Variants in ZFP62 observed in about 807,000 individuals in gnomAD.
The protein encoded by ZFP62 is zinc finger protein 62 homolog.
Under a neutral mutation model 56.4 loss-of-function variants are expected in ZFP62, and 44 were observed. The observed-to-expected ratio is 0.78, with a 90% CI of 0.61 to 1.00. The LOEUF (loss-of-function observed/expected upper bound fraction) is 1.00, where lower values mean the gene tolerates loss of function less well. Among genes scored for constraint, ZFP62 ranks in the 50% least tolerant of loss-of-function variants. The pLI is 0.00. For missense variants in ZFP62, 1,030 were observed against 1,085.7 expected (o/e 0.95, Z 0.72); for synonymous variants, 421 against 388.9 (o/e 1.08, Z -0.97).
At position 180,848,012 on chromosome 5, in the gene ZFP62, A is replaced by G. The variant is rs1437603047; in HGVS notation, c.*780T>C. On this transcript the variant is annotated 3_prime_UTR_variant, in exon 2 of 2. Transcript: ENST00000502412. Reference sequence around the variant, plus strand: ...ACGGTAGAACCTTTTATTGTAGCATAATGTGTGAATACCACTTCCAGGTTA... The same window carrying G: ...ACGGTAGAACCTTTTATTGTAGCATGATGTGTGAATACCACTTCCAGGTTA... 1 of 985,320 alleles carries G rather than the reference A, an allele frequency of 1.0e-6. No individual in the cohort carries two copies. The highest frequency in any genetic ancestry group is 5.2e-4 in the Middle Eastern group (1 of 1,936). 61.0% of individuals were successfully genotyped at this position (985,320 alleles called of 1,614,324 possible).
chr5:180,839,010 A>C, the ZFP62 span, among the ~76,000 whole-genome samples: 1 of 152,204 alleles, frequency 6.6e-6, no homozygotes, highest in South Asian at 2.1e-4. Context: ...CCACCAAAAC[A>C]TTTATCATGA....
chr5:180,852,216 G>A (rs537199362), intron 1 of ZFP62, among the ~76,000 whole-genome samples: 3 of 152,160 alleles, frequency 2.0e-5, no homozygotes, highest in Non-Finnish European at 4.4e-5. Flanking sequence ...CCAGAGAAAA[G>A]ATGGTCCTTT....
chr5:180,845,710 G>A (rs897383936), downstream of ZFP62: 2 of 985,350 alleles, frequency 2.0e-6, no homozygotes, highest in Non-Finnish European at 2.4e-6. Flanking sequence ...AATTACTCAA[G>A]GTCTTGATGC....
At chr5:180,845,943 C>A, downstream of ZFP62, 1 of 752,282 alleles carries the variant, frequency 1.3e-6, no homozygotes, top group Middle Eastern at 6.6e-4. Context: ...ACATGCACTC[C>A]TATGGAAGGC....
chr5:180,828,855 C>A, the ZFP62 span, among the ~76,000 whole-genome samples: 1 of 152,318 alleles, frequency 6.6e-6, no homozygotes, highest in South Asian at 2.1e-4. Context: ...TTGCTGAATT[C>A]TTTTCCTAGC....
At chr5:180,846,252 G>A (rs368731434), downstream of ZFP62, among the ~76,000 whole-genome samples, 8 of 152,178 alleles carry the variant, frequency 5.3e-5, no homozygotes, top group African/African-American at 1.7e-4. Context: ...CGCAGTAGGA[G>A]CTTGTCTGGT....
downstream of ZFP62, among the ~76,000 whole-genome samples, chr5:180,844,808 G>A (rs1273897570): frequency 1.3e-5 from 2 of 152,260 alleles, no homozygotes; most frequent in Admixed American, 1.3e-4. Context: ...CTGAGTAGGG[G>A]GTGGTCCTTG....
rs985626373 is a variant in ZFP62, at chr5:180,849,663, T to G, written c.1832A>C (p.His611Pro). 6.4e-7 allele frequency: 1 copy of G among 1,551,964 alleles called. No individual in the cohort carries two copies. Among genetic ancestry groups the G allele is most frequent in the African/African-American group, 1.4e-5 (1 of 73,156 alleles). ...YRTLTNHKKV[H>P]LGEKPYKCDV... ...ACATTTGTAGGGCTTCTCCCCAAGA[T>G]GAACTTTTTTGTGGTTTGTAAGGGT... The change falls in exon 2 of 2, where the codon CAT becomes CCT. Residue 611 changes from histidine to proline, a missense_variant. His to Pro is a moderately conservative substitution (Grantham distance 77, BLOSUM62 -2). Coordinates refer to ENST00000502412, the MANE Select transcript of ZFP62 (RefSeq NM_001172638.2).
chr5:180,847,597 A>C (rs903258043), downstream of ZFP62: 1 of 985,304 alleles, frequency 1.0e-6, no homozygotes, highest in Non-Finnish European at 1.2e-6. Flanking sequence ...TCCTCCATCT[A>C]AACTCACAGC....
At chr5:180,859,155 AGACTGCAACTAGCCCG>A in intron 1 of ZFP62, among the ~76,000 whole-genome samples, 1 of 152,338 alleles carries the variant, frequency 6.6e-6, no homozygotes, top group South Asian at 2.1e-4. Flanking sequence ...TCCTATTAAC[AGACTGCAACTAGCCCG>A]GAACGACTTT....
Position 180,849,287 on chromosome 5 carries a change from T to C in ZFP62, c.2208A>G (p.Lys736=), listed in dbSNP as rs1040699330. ...AAAGGAGAGAGCTGTAACTGAAAGATTTCCCACACTCAACACACTTGAAGG... is the reference window on the plus strand; with the variant it reads ...AAAGGAGAGAGCTGTAACTGAAAGACTTCCCACACTCAACACACTTGAAGG... The part of the protein sequence containing the change: ...EKPFKCVECG[K]SFSYSSLLSQ... Residue 736 remains lysine, a synonymous_variant, in exon 2 of 2, where the codon AAA becomes AAG. Coordinates refer to ENST00000502412, the MANE Select transcript of ZFP62 (RefSeq NM_001172638.2). The C allele has an allele frequency of 1.9e-6, 3 of 1,552,798 alleles. No homozygotes were observed. The highest frequency in any genetic ancestry group is 2.7e-5 in the African/African-American group (2 of 73,032).
At chr5:180,843,357 G>T (rs1157308648), downstream of ZFP62, among the ~76,000 whole-genome samples, 1 of 151,854 alleles carries the variant, frequency 6.6e-6, no homozygotes, top group African/African-American at 2.4e-5. Flanking sequence ...AGTATGAATA[G>T]AATCATTCAT....
chr5:180,845,570 C>T, downstream of ZFP62: 3 of 329,664 alleles, frequency 9.1e-6, no homozygotes, highest in South Asian at 1.2e-4. Context: ...GAGAATGGCT[C>T]CTCAGTAGGA....
chr5:180,842,658 C>T (rs1773332294), downstream of ZFP62, among the ~76,000 whole-genome samples: 2 of 152,066 alleles, frequency 1.3e-5, no homozygotes, highest in Admixed American at 1.3e-4. Flanking sequence ...GAAGTTTTAC[C>T]TCTAACAGGA....
the ZFP62 span, among the ~76,000 whole-genome samples, chr5:180,839,507 C>T: frequency 2.6e-5 from 4 of 152,140 alleles, no homozygotes; most frequent in African/African-American, 9.7e-5. Context: ...ACTAATGCTG[C>T]AACGGAAAAA....
At chr5:180,830,401 A>G in the ZFP62 span, 1 of 152,502 alleles carries the variant, frequency 6.6e-6, no homozygotes, top group African/African-American at 2.4e-5. Context: ...GATCCGGAGC[A>G]ACCTTCTTAG....
rs1773612382 is a variant in ZFP62 at position 180,850,126 on chromosome 5, T to C, written c.1369A>G (p.Thr457Ala). The part of the protein sequence containing the change: ...RPYVCDVCGK[T>A]FRNNAGLKVH... ...TTGAGGCCTGCATTGTTTCTGAACG[T>C]TTTCCCACACACATCACATACATAA... The change falls in exon 2 of 2, where the codon ACG becomes GCG. Residue 457 changes from threonine (T) to alanine (A), a missense_variant. Transcript: ENST00000502412. The C allele has an allele frequency of 1.3e-6, 2 of 1,551,532 alleles. No homozygotes were observed. The highest frequency in any genetic ancestry group is 1.7e-6 in the Non-Finnish European group (2 of 1,146,982).
the ZFP62 span, among the ~76,000 whole-genome samples, chr5:180,836,506 C>T: frequency 6.6e-6 from 1 of 152,208 alleles, no homozygotes; most frequent in East Asian, 1.9e-4. Flanking sequence ...TCTTTGCATT[C>T]AGGGCCCCTC....
rs1339027837 is a variant in ZFP62 at position 180,861,266 on chromosome 5, G to T, written c.-47C>A. 1 of 397,592 alleles carries T rather than the reference G, an allele frequency of 2.5e-6. No homozygotes were observed. The highest frequency in any genetic ancestry group is 4.4e-6 in the Non-Finnish European group (1 of 225,326). 24.6% of individuals were successfully genotyped at this position (397,592 alleles called of 1,614,324 possible). A position where few individuals can be genotyped will look rare whatever the true frequency, so the allele number is the denominator to read the frequency against. ...ACCCGGCCGCCAGCGGGACAAAAGC[G>T]CGGACCGCACGGCCGGAAGAACCCG... On this transcript the variant is annotated 5_prime_UTR_variant, in exon 1 of 2. Coordinates refer to ENST00000502412, the MANE Select transcript of ZFP62 (RefSeq NM_001172638.2).
Sources: gnomAD v4.1 joint callset for allele counts (sites outside exome capture counted in the v4.1 genomes callset) on GRCh38, gnomAD v4.1.1 for gene constraint, MANE v1.5 for transcripts, NCBI Gene and HGNC (gene_info 2026-07-23, HGNC 2026-07-21) for gene names.